TRPM7: variants seen among roughly 807,000 people sequenced by gnomAD.
TRPM7 encodes the protein transient receptor potential cation channel subfamily M member 7.
A neutral mutation model predicts 229.7 loss-of-function variants in TRPM7; 134 were observed. The ratio of observed to expected loss-of-function variants is 0.58; its 90% confidence interval spans 0.51 to 0.67. The LOEUF (loss-of-function observed/expected upper bound fraction) is 0.67, where lower values mean the gene tolerates loss of function less well. Among genes scored for constraint, TRPM7 ranks in the 30% least tolerant of loss-of-function variants. TRPM7 has a pLI of 0.00. For synonymous variants in TRPM7, 699 were observed against 715.2 expected (o/e 0.98, Z 0.36); for missense variants, 1,901 against 2,210.0 (o/e 0.86, Z 2.80).
intron 19 of TRPM7, among the ~76,000 whole-genome samples, chr15:50,608,570 A>G (rs975363062): frequency 6.6e-6 from 1 of 152,190 alleles, no homozygotes; most frequent in Non-Finnish European, 1.5e-5. Flanking sequence ...GTGGAGACAG[A>G]ATTTGGAGAT....
chr15:50,595,664 C>T (rs1244880970), intron 23 of TRPM7, among the ~76,000 whole-genome samples: 3 of 151,880 alleles, frequency 2.0e-5, no homozygotes, highest in African/African-American at 7.3e-5. Context: ...AGTTTGAGTC[C>T]AGCCCGGCCA....
At chr15:50,681,558 AC>A (rs2062240251) in intron 1 of TRPM7, among the ~76,000 whole-genome samples, 2 of 152,170 alleles carry the variant, frequency 1.3e-5, no homozygotes, top group African/African-American at 4.8e-5. Context: ...CCAGCATACT[AC>A]CAAACTGCCA....
chr15:50,637,998 C>A (rs1179438284), intron 6 of TRPM7, among the ~76,000 whole-genome samples: 3 of 151,888 alleles, frequency 2.0e-5, no homozygotes, highest in Admixed American at 2.0e-4. Flanking sequence ...GAGTGGATTA[C>A]CTGAGGTCAG....
intron 31 of TRPM7, 143 bp from the exon 32 acceptor site, chr15:50,576,062 T>C (rs1444459610): frequency 3.0e-5 from 23 of 774,898 alleles, no homozygotes; most frequent in Admixed American, 1.4e-4. Context: ...GGATAAAATA[T>C]GTCCACTGTG....
intron 20 of TRPM7, among the ~76,000 whole-genome samples, chr15:50,606,486 A>T (rs2059923077): frequency 6.6e-6 from 1 of 152,174 alleles, no homozygotes; most frequent in Non-Finnish European, 1.5e-5. Context: ...TCAGGATATT[A>T]AAAAAGACCT....
At chr15:50,659,806 T>G (rs1205046100) in intron 2 of TRPM7, among the ~76,000 whole-genome samples, 1 of 152,098 alleles carries the variant, frequency 6.6e-6, no homozygotes, top group African/African-American at 2.4e-5. Context: ...TAGCTGGGAT[T>G]ACAAGTGCCC....
At chr15:50,683,143 C>G (rs1396952240) in intron 1 of TRPM7, among the ~76,000 whole-genome samples, 1 of 151,768 alleles carries the variant, frequency 6.6e-6, no homozygotes, top group Non-Finnish European at 1.5e-5. Flanking sequence ...CCGCCTCAGT[C>G]TCTCAAAGTG....
intron 13 of TRPM7, among the ~76,000 whole-genome samples, chr15:50,618,526 C>T (rs1160687867): frequency 2.0e-5 from 3 of 151,506 alleles, no homozygotes; most frequent in Non-Finnish European, 4.4e-5. Context: ...GCCAAGATCA[C>T]GCCACTGCAC....
At position 50,561,697 on chromosome 15, in the gene TRPM7, G is replaced by C; in HGVS notation, c.5579C>G (p.Ser1860Cys). The C allele has an allele frequency of 6.2e-7, 1 of 1,611,002 alleles. No individual in the cohort carries two copies. The highest frequency in any genetic ancestry group is 8.5e-7 in the Non-Finnish European group (1 of 1,179,240). The part of the protein sequence containing the change: ...NSTKESESTN[S>C]VRLML Reference sequence around the variant, plus strand: ...TTAATATTATAACATCAGACGAACAGAATTAGTTGATTCTGATTCTTTGGT... The same window carrying C: ...TTAATATTATAACATCAGACGAACACAATTAGTTGATTCTGATTCTTTGGT... The change falls in exon 39 of 39, where the codon TCT becomes TGT. Residue 1860 changes from serine to cysteine, a missense_variant. This residue lies in a region of TRPM7 where 257 missense variants were observed against 352.0 expected (regional missense o/e 0.73). Transcript: ENST00000646667.
At chr15:50,575,445 T>C (rs898019378) in intron 33 of TRPM7, among the ~76,000 whole-genome samples, 18 of 152,222 alleles carry the variant, frequency 1.2e-4, no homozygotes, top group Non-Finnish European at 1.2e-4. Context: ...ATGGACACTG[T>C]GATGTCAGTT....
At position 50,614,244 on chromosome 15, in the gene TRPM7, T is replaced by C. The variant is rs750989667; in HGVS notation, c.1514A>G (p.Tyr505Cys). The change falls in exon 14 of 39, where the codon TAT becomes TGT. Residue 505 changes from tyrosine to cysteine, a missense_variant. Transcript: ENST00000646667. ...TCCTATATCAATCAGAGTGATCTTA[T>C]ATCCTGGAGGAAGATTTCCCTAGAA... ...DVKQGNLPPG[Y>C]KITLIDIGLV... 1.2e-6 allele frequency: 2 copies of C among 1,600,662 alleles called. No homozygotes were observed. The highest frequency in any genetic ancestry group is 2.2e-5 in the East Asian group (1 of 44,828).
At position 50,592,564 on chromosome 15, in the gene TRPM7, G is replaced by T; in HGVS notation, c.3671C>A (p.Ser1224Ter). The T allele has an allele frequency of 6.2e-7, 1 of 1,610,570 alleles. No individual in the cohort carries two copies. Among genetic ancestry groups the T allele is most frequent in the South Asian group, 1.1e-5 (1 of 91,054 alleles). Residue 1224 changes from serine (S) to a stop codon, truncating the protein, a stop_gained, in exon 26 of 39, where the codon TCA becomes TAA. Transcript: ENST00000646667. LOFTEE classifies it high-confidence loss of function. The stretch of plus-strand genomic sequence containing the variant: ...AATTTGAGAATCTAATGATTGTAAT[G>T]ATCTTTTTATGTAGTTGACACGATC... ...VGDRVNYIKRSLQSLDSQIGH... is the reference protein window; with the variant it reads ...VGDRVNYIKR
At position 50,612,770 on chromosome 15, in the gene TRPM7, A is replaced by C; in HGVS notation, c.1830T>G (p.Ile610Met). 1 of 1,614,072 alleles carries C rather than the reference A, an allele frequency of 6.2e-7. No individual in the cohort carries two copies. The highest frequency in any genetic ancestry group is 8.5e-7 in the Non-Finnish European group (1 of 1,179,982). The part of the protein sequence containing the change: ...KKRTKDEIVD[I>M]DDPETKRFPY... ...GAAAGCGCTTGGTTTCTGGATCATC[A>C]ATGTCTACAATTTCATCTTTGGTTC... The change falls in exon 16 of 39, where the codon ATT becomes ATG. Residue 610 changes from isoleucine (I) to methionine (M), a missense_variant. Ile to Met is a conservative substitution (Grantham distance 10). Around this residue, in one of 8 missense-constraint regions of TRPM7, gnomAD observed 794 missense variants for 881.9 expected, o/e 0.90. Coordinates refer to ENST00000646667, the MANE Select transcript of TRPM7 (RefSeq NM_017672.6).
intron 6 of TRPM7, among the ~76,000 whole-genome samples, chr15:50,638,533 GAGTGAA>G (rs2060988553): frequency 6.6e-6 from 1 of 150,964 alleles, no homozygotes; most frequent in African/African-American, 2.4e-5. Flanking sequence ...TGGGCGACAA[GAGTGAA>G]ACTCCATTTC....
At chr15:50,567,243 T>C (rs943309728) in intron 38 of TRPM7, among the ~76,000 whole-genome samples, 1 of 152,156 alleles carries the variant, frequency 6.6e-6, no homozygotes, top group Non-Finnish European at 1.5e-5. Context: ...TTGTTACACA[T>C]GTATACATGT....
At chr15:50,662,035 T>G (rs1003638785) in intron 2 of TRPM7, among the ~76,000 whole-genome samples, 1 of 152,126 alleles carries the variant, frequency 6.6e-6, no homozygotes, top group Admixed American at 6.6e-5. Flanking sequence ...CTGGCCAACA[T>G]AGTAAAACCC....
intron 11 of TRPM7, 21 bp downstream of exon 11, chr15:50,628,128 G>A: frequency 3.3e-6 from 5 of 1,504,922 alleles, no homozygotes; most frequent in Non-Finnish European, 4.6e-6. Context: ...ATTGTATTGT[G>A]TATGTAGATT....
chr15:50,580,016 C>T (rs1276126463), intron 30 of TRPM7, among the ~76,000 whole-genome samples: 1 of 152,152 alleles, frequency 6.6e-6, no homozygotes, highest in East Asian at 1.9e-4. Context: ...TCAAGCGATC[C>T]ACCCACCTTG....
Position 50,648,870 on chromosome 15 carries a change from G to A in TRPM7, c.138C>T (p.Arg46=). The A allele has an allele frequency of 1.2e-6, 2 of 1,605,960 alleles. No individual in the cohort carries two copies. Among genetic ancestry groups the A allele is most frequent in the African/African-American group, 1.3e-5 (1 of 74,800 alleles). The change falls in exon 4 of 39, where the codon CGC becomes CGT. Residue 46 remains arginine, a synonymous_variant. Coordinates refer to ENST00000646667, the MANE Select transcript of TRPM7 (RefSeq NM_017672.6). ...CQQLVRCFCG[R]LVKQHACFTA... ...TAAAACAAGCATGTTGCTTGACCAA[G>A]CGACCACAAAAACACCTAAAAGAAA...
Sources: gnomAD v4.1 joint callset for allele counts (sites outside exome capture counted in the v4.1 genomes callset) on GRCh38, gnomAD v4.1.1 for gene constraint, gnomAD v4.1.1 regional missense constraint, MANE v1.5 for transcripts, NCBI Gene and HGNC (gene_info 2026-07-23, HGNC 2026-07-21) for gene names.